Variants in GATB observed in about 807,000 individuals in gnomAD.
GATB encodes glutamyl-tRNA amidotransferase subunit B.
A neutral mutation model predicts 62.3 loss-of-function variants in GATB; 39 were observed. That is an observed-to-expected ratio of 0.63 (90% confidence interval 0.48 to 0.82). The LOEUF (loss-of-function observed/expected upper bound fraction) is 0.82, where lower values mean the gene tolerates loss of function less well. Ranked by LOEUF, GATB falls within the 40% of genes least tolerant of loss-of-function variation. GATB has a pLI of 0.00. For synonymous variants in GATB, 276 were observed against 258.9 expected (o/e 1.07, Z -0.63); for missense variants, 670 against 684.0 (o/e 0.98, Z 0.23).
At chr4:151,705,633 G>A (rs1011554363) in intron 6 of GATB, among the ~76,000 whole-genome samples, 7 of 152,160 alleles carry the variant, frequency 4.6e-5, no homozygotes, top group East Asian at 3.9e-4. Context: ...GGCTTCAAAG[G>A]CTCTGGTATC....
At chr4:151,694,749 AT>A (rs1738434742) in intron 9 of GATB, among the ~76,000 whole-genome samples, 2 of 152,200 alleles carry the variant, frequency 1.3e-5, no homozygotes, top group African/African-American at 4.8e-5. Flanking sequence ...TTAAAGTAGT[AT>A]TACATATGGG....
intron 1 of GATB, 57 bp from the exon 2 acceptor site, chr4:151,758,979 T>G (rs1739896334): frequency 2.3e-6 from 3 of 1,279,980 alleles, no homozygotes; most frequent in Admixed American, 2.3e-5. Context: ...TGAATGAATT[T>G]CTATAAGTCT....
intron 2 of GATB, among the ~76,000 whole-genome samples, chr4:151,731,239 C>T (rs912748313): frequency 4.6e-5 from 7 of 152,140 alleles, no homozygotes; most frequent in South Asian, 2.1e-4. Context: ...CTCAGCCTGC[C>T]GAGTGCCTGC....
chr4:151,724,160 T>C (rs1739085836), intron 2 of GATB: 1 of 152,186 alleles, frequency 6.6e-6, no homozygotes, highest in Non-Finnish European at 1.5e-5. Context: ...AGACAAATAT[T>C]CCATGATCTC....
intron 5 of GATB, among the ~76,000 whole-genome samples, chr4:151,709,191 A>T (rs1196065509): frequency 6.6e-6 from 1 of 152,208 alleles, no homozygotes; most frequent in Non-Finnish European, 1.5e-5. Context: ...CCATGTCAAG[A>T]AAAGGAGACC....
intron 2 of GATB, among the ~76,000 whole-genome samples, chr4:151,746,479 G>A (rs1473821343): frequency 1.3e-5 from 2 of 152,130 alleles, no homozygotes; most frequent in Non-Finnish European, 2.9e-5. Flanking sequence ...AGATCTATAG[G>A]TGAATAATTA....
At chr4:151,681,766 G>A (rs1030636987) in intron 10 of GATB, among the ~76,000 whole-genome samples, 2 of 152,208 alleles carry the variant, frequency 1.3e-5, no homozygotes, top group Non-Finnish European at 2.9e-5. Flanking sequence ...CAAGATAAAG[G>A]CGCTGGCAGA....
In GATB at chr4:151,760,864, C is replaced by A; in HGVS notation, c.119G>T (p.Arg40Met). The A allele has an allele frequency of 6.2e-7, 1 of 1,613,990 alleles. No homozygotes were observed. The highest frequency in any genetic ancestry group is 8.5e-7 in the Non-Finnish European group (1 of 1,179,944). The change falls in exon 1 of 13, where the codon AGG becomes ATG. Residue 40 changes from arginine to methionine, a missense_variant. Transcript: ENST00000263985. The stretch of plus-strand genomic sequence containing the variant: ...CTGCTGAGCCACTGAGCTCTCTCCC[C>A]TAATCTGGTTGGATGTGGACCCAGT... ...APTGSTSNQI[R>M]GESSVAQQPL...
Position 151,708,057 on chromosome 4 carries a change from C to T in GATB, c.808G>A (p.Gly270Arg), listed in dbSNP as rs985790010. ...VDANISVHHP[G>R]EPLGVRTEVK... ...TCCGTTCGAACGCCCAAAGGCTCCC[C>T]AGGGTGATGCACGGATATATTGGCA... Residue 270 changes from glycine to arginine, a missense_variant, in exon 6 of 13, where the codon GGG (glycine) becomes AGG (arginine). Transcript: ENST00000263985. 6.2e-7 allele frequency: 1 copy of T among 1,614,158 alleles called. No individual in the cohort carries two copies. Among genetic ancestry groups the T allele is most frequent in the Non-Finnish European group, 8.5e-7 (1 of 1,179,988 alleles).
intron 11 of GATB, chr4:151,677,855 TTAA>T (rs747590907): frequency 1.4e-4 from 22 of 151,790 alleles, no homozygotes; most frequent in Non-Finnish European, 2.6e-4. Flanking sequence ...CACTATATAA[TTAA>T]TAATAAGAAA....
At chr4:151,703,964 G>T in intron 7 of GATB, 69 bp from the exon 8 acceptor site, 1 of 1,088,012 alleles carries the variant, frequency 9.2e-7, no homozygotes, top group Non-Finnish European at 1.4e-6. Flanking sequence ...GTGGGGAAGG[G>T]CTCCCCTACC....
intron 2 of GATB, chr4:151,720,466 T>C (rs1460268245): frequency 6.6e-6 from 1 of 152,226 alleles, no homozygotes; most frequent in Admixed American, 6.5e-5. Context: ...CAATAAATAG[T>C]TCATTTCCCT....
At chr4:151,696,910 C>T (rs1738481961) in intron 9 of GATB, among the ~76,000 whole-genome samples, 1 of 152,212 alleles carries the variant, frequency 6.6e-6, no homozygotes, top group Non-Finnish European at 1.5e-5. Flanking sequence ...ACTTGTTATG[C>T]TATTAGAATC....
At chr4:151,681,324 G>T (rs1738133499) in intron 10 of GATB, among the ~76,000 whole-genome samples, 1 of 152,152 alleles carries the variant, frequency 6.6e-6, no homozygotes, top group Admixed American at 6.5e-5. Context: ...TGACTAAAAG[G>T]CAATTCCAAG....
intron 9 of GATB, among the ~76,000 whole-genome samples, chr4:151,691,339 T>C (rs1738363018): frequency 6.6e-6 from 1 of 152,174 alleles, no homozygotes; most frequent in South Asian, 2.1e-4. Flanking sequence ...CAGAGATGGC[T>C]AAAGCAGCAG....
intron 2 of GATB, among the ~76,000 whole-genome samples, chr4:151,736,008 A>AT (rs1739366770): frequency 6.6e-6 from 1 of 151,988 alleles, no homozygotes. Context: ...TTGTACCCCA[A>AT]TAACTAATGG....
Position 151,716,946 on chromosome 4 carries a change from CA to C in GATB, c.569del (p.Leu190TrpfsTer13), listed in dbSNP as rs761759550. 6.2e-7 allele frequency: 1 copy of C among 1,614,046 alleles called. No individual in the cohort carries two copies. Among genetic ancestry groups the C allele is most frequent in the Non-Finnish European group, 8.5e-7 (1 of 1,180,042 alleles). On this transcript the variant is annotated frameshift_variant, in exon 4 of 13. Transcript: ENST00000263985. LOFTEE classifies it high-confidence loss of function. ...GGAGGCTTTTGCCACTGTCTTGCTC[CA>C]ACTGGATCTGCTTGATCCTCACCGT... ...PKTVRIKQIQ[L>X]EQDSGKSLHD...
intron 2 of GATB, among the ~76,000 whole-genome samples, chr4:151,735,734 GTGTATATATATATA>G (rs1393344107): frequency 2.1e-5 from 2 of 93,614 alleles, no homozygotes; most frequent in East Asian, 3.0e-4. Context: ...ATAAACTGTG[GTGTATATATATATA>G]TATATATATG....
intron 11 of GATB, among the ~76,000 whole-genome samples, chr4:151,679,319 A>AC (rs1378028860): frequency 3.9e-5 from 6 of 152,170 alleles, no homozygotes; most frequent in African/African-American, 1.4e-4. Flanking sequence ...GTTTTCACAC[A>AC]CCGGGCATGT....
Sources: allele counts gnomAD v4.1 joint callset (sites outside exome capture counted in the v4.1 genomes callset), GRCh38; gene constraint gnomAD v4.1.1; transcripts MANE v1.5; gene names NCBI Gene and HGNC (gene_info 2026-07-23, HGNC 2026-07-21).